HDAC9: variants seen among roughly 807,000 people sequenced by gnomAD.
HDAC9 encodes the protein histone deacetylase 9.
A neutral mutation model predicts 139.4 loss-of-function variants in HDAC9; 41 were observed. That is an observed-to-expected ratio of 0.29 (90% CI 0.23 to 0.38). The LOEUF (loss-of-function observed/expected upper bound fraction) is 0.38, where lower values mean the gene tolerates loss of function less well. HDAC9 is among the 10% of genes least tolerant of loss of function. The pLI, the probability that HDAC9 is intolerant of heterozygous loss-of-function variation, is 1.00. For synonymous variants in HDAC9, 517 were observed against 476.2 expected, an observed-to-expected ratio of 1.09 and a Z score of -1.12; for missense variants, 1,147 against 1,297.0, an observed-to-expected ratio of 0.88 and a Z score of 1.78.
intron 8 of HDAC9, among the ~76,000 whole-genome samples, chr7:18,642,395 GGCTGCA>G (rs1785950238): frequency 6.6e-6 from 1 of 152,072 alleles, no homozygotes; most frequent in Non-Finnish European, 1.5e-5. Flanking sequence ...TTCCAGCAGT[GGCTGCA>G]GAGTCATACT....
intron 12 of HDAC9, chr7:18,668,671 TA>T (rs1795450438): frequency 2.2e-5 from 22 of 980,686 alleles, no homozygotes; most frequent in Non-Finnish European, 2.7e-5. Context: ...TGGACTTAAA[TA>T]ATCTTAGAAT....
intron 2 of HDAC9, among the ~76,000 whole-genome samples, chr7:18,231,142 T>C (rs972816215): frequency 3.9e-5 from 6 of 152,202 alleles, no homozygotes; most frequent in Non-Finnish European, 7.3e-5. Context: ...TATACTCTTT[T>C]ATTCCCTGAA....
intron 2 of HDAC9, among the ~76,000 whole-genome samples, chr7:18,555,080 T>G (rs1818384753): frequency 6.6e-6 from 1 of 152,226 alleles, no homozygotes; most frequent in Non-Finnish European, 1.5e-5. Flanking sequence ...TTCATTATTT[T>G]TTGACATCAA....
rs1402200119 is a variant in HDAC9 at position 18,946,445 on chromosome 7, CTT to C, written c.2938-7699_2938-7698del. ...TTTCTGTAATATAATTATAAGGAAA[CTT>C]TGAATGAAGGAAATGAAAAAAAATT... is the stretch of plus-strand genomic sequence containing the variant. On this transcript the variant is annotated intron_variant, in intron 23 of 25. Transcript: ENST00000686413. Among the ~76,000 whole-genome samples the C allele has an allele frequency of 2.0e-5, 3 of 151,728 alleles. No individual in the cohort carries two copies. In the East Asian group the frequency reaches 5.8e-4, roughly 29 times the overall value.
At chr7:18,990,385 TGAG>T (rs983559579) in intron 25 of HDAC9, among the ~76,000 whole-genome samples, 22 of 152,308 alleles carry the variant, frequency 1.4e-4, no homozygotes, top group African/African-American at 5.1e-4. Context: ...GGGACCCACT[TGAG>T]GAGGCAGTCT....
Position 18,827,996 on chromosome 7 carries a change from A to G in HDAC9, c.2323-1165A>G, listed in dbSNP as rs555989043. 1.1e-4 allele frequency among the ~76,000 whole-genome samples: 17 copies of G among 152,216 alleles called. No homozygotes were observed. In the South Asian group the frequency reaches 3.5e-3, roughly 32 times the overall value. Reference sequence around the variant, plus strand: ...AACAGGGAATATGTTTATCACCATTACTAGATTTCTAATTGACATTATGTT... The same window carrying G: ...AACAGGGAATATGTTTATCACCATTGCTAGATTTCTAATTGACATTATGTT... On this transcript the variant is annotated intron_variant, in intron 17 of 25. Coordinates refer to ENST00000686413, the MANE Select transcript of HDAC9 (RefSeq NM_178425.4).
At chr7:18,896,707 T>C (rs1801233129) in intron 22 of HDAC9, among the ~76,000 whole-genome samples, 2 of 152,184 alleles carry the variant, frequency 1.3e-5, no homozygotes, top group South Asian at 4.1e-4. Flanking sequence ...TATTTTTAGG[T>C]ATAAAGGTCT....
intron 12 of HDAC9, among the ~76,000 whole-genome samples, chr7:18,688,905 CA>C (rs1782472746): frequency 6.6e-6 from 1 of 151,816 alleles, no homozygotes; most frequent in Admixed American, 6.6e-5. Flanking sequence ...AACCATTTTC[CA>C]CTGAAATAAG....
At chr7:18,805,371 G>C (rs143714084) in intron 17 of HDAC9, among the ~76,000 whole-genome samples, 246 of 152,320 alleles carry the variant, frequency 1.6e-3, no homozygotes, top group African/African-American at 5.8e-3. Context: ...GAGAGCTTAT[G>C]TAAAGATCGA....
intron 1 of HDAC9, among the ~76,000 whole-genome samples, chr7:18,152,342 G>A (rs986144303): frequency 1.3e-5 from 2 of 152,078 alleles, no homozygotes; most frequent in East Asian, 1.9e-4. Context: ...GTGAAAATAC[G>A]GCAATTGGAA....
chr7:18,869,385 G>A (rs532743372), intron 21 of HDAC9, among the ~76,000 whole-genome samples: 10 of 152,084 alleles, frequency 6.6e-5, no homozygotes, highest in Admixed American at 6.6e-4. Flanking sequence ...AAATCTGGTT[G>A]TTTAAAAGTA....
chr7:18,231,247 GAATTA>G, intron 2 of HDAC9, among the ~76,000 whole-genome samples: 1 of 152,320 alleles, frequency 6.6e-6, no homozygotes, highest in South Asian at 2.1e-4. Context: ...CATCCCACAA[GAATTA>G]AATTGGATTG....
At chr7:18,982,156 C>T (rs1439431874) in intron 25 of HDAC9, among the ~76,000 whole-genome samples, 1 of 152,118 alleles carries the variant, frequency 6.6e-6, no homozygotes, top group African/African-American at 2.4e-5. Context: ...ATATTTTTAA[C>T]TTCTACTGCT....
intron 1 of HDAC9, among the ~76,000 whole-genome samples, chr7:18,452,255 T>TTG (rs1792940170): frequency 6.6e-6 from 1 of 152,086 alleles, no homozygotes; most frequent in Admixed American, 6.6e-5. Context: ...ACAACCAAAA[T>TTG]GAGCACTAAG....
intron 12 of HDAC9, among the ~76,000 whole-genome samples, chr7:18,681,745 A>G (rs923604876): frequency 1.3e-5 from 2 of 152,028 alleles, no homozygotes; most frequent in Non-Finnish European, 2.9e-5. Flanking sequence ...TCCTGCACTA[A>G]GAAAGTTAGA....
At chr7:18,886,732 A>C (rs181403303) in intron 22 of HDAC9, among the ~76,000 whole-genome samples, 6 of 152,314 alleles carry the variant, frequency 3.9e-5, no homozygotes, top group African/African-American at 1.4e-4. Context: ...GACTGAATAG[A>C]ATCCCAAAGA....
At chr7:18,785,291 G>T (rs1053329653) in intron 16 of HDAC9, among the ~76,000 whole-genome samples, 2 of 151,668 alleles carry the variant, frequency 1.3e-5, no homozygotes, top group African/African-American at 4.9e-5. Flanking sequence ...CAAATTCAGG[G>T]AAAGGACACT....
intron 8 of HDAC9, among the ~76,000 whole-genome samples, chr7:18,640,130 G>T (rs975796844): frequency 6.6e-6 from 1 of 151,688 alleles, no homozygotes; most frequent in Non-Finnish European, 1.5e-5. Flanking sequence ...AGGCATGGGG[G>T]CTCACATCTA....
At chr7:18,376,410 A>T (rs1448627987) in intron 1 of HDAC9, among the ~76,000 whole-genome samples, 1 of 152,232 alleles carries the variant, frequency 6.6e-6, no homozygotes, top group Admixed American at 6.5e-5. Flanking sequence ...TCATAGAATG[A>T]GTACATACTT....
Sources: gnomAD v4.1 joint callset for allele counts (sites outside exome capture counted in the v4.1 genomes callset) on GRCh38, gnomAD v4.1.1 for gene constraint, MANE v1.5 for transcripts, NCBI Gene and HGNC (gene_info 2026-07-23, HGNC 2026-07-21) for gene names.